The following ADGRB3 variants were observed in gnomAD, a reference collection of about 807,000 sequenced individuals.
The protein encoded by ADGRB3 is adhesion G protein-coupled receptor B3, also known as brain-specific angiogenesis inhibitor 3.
ADGRB3 carries 37 observed loss-of-function variants against 193.4 expected under a neutral mutation model. The observed-to-expected ratio is 0.19, with a 90% CI of 0.15 to 0.25. The LOEUF is 0.25. Among genes scored for constraint, ADGRB3 ranks in the 10% least tolerant of loss-of-function variants. The pLI is 1.00. For synonymous variants in ADGRB3, 690 were observed against 644.2 expected, an observed-to-expected ratio of 1.07 and a Z score of -1.08; for missense variants, 1,637 against 1,852.9, an observed-to-expected ratio of 0.88 and a Z score of 2.14.
chr6:69,228,818 C>G (rs1446950096), intron 17 of ADGRB3, among the ~76,000 whole-genome samples: 1 of 152,068 alleles, frequency 6.6e-6, no homozygotes, highest in Non-Finnish European at 1.5e-5. Flanking sequence ...TAAAATTCAC[C>G]TGGAAATGAA....
At chr6:69,164,754 G>T (rs932998425) in intron 17 of ADGRB3, among the ~76,000 whole-genome samples, 1 of 152,100 alleles carries the variant, frequency 6.6e-6, no homozygotes, top group East Asian at 1.9e-4. Flanking sequence ...GACAGCGTCC[G>T]TGAACTCTGG....
At chr6:69,076,682 G>A (rs1772242688) in intron 17 of ADGRB3, among the ~76,000 whole-genome samples, 1 of 151,902 alleles carries the variant, frequency 6.6e-6, no homozygotes, top group South Asian at 2.1e-4. Context: ...TCAAAGAGCA[G>A]GAAAATCTGT....
At chr6:68,642,048 A>G (rs1393242376) in intron 3 of ADGRB3, among the ~76,000 whole-genome samples, 2 of 152,026 alleles carry the variant, frequency 1.3e-5, no homozygotes, top group Non-Finnish European at 2.9e-5. Context: ...TTCCACTTAT[A>G]TTTTATATTA....
In ADGRB3 at chr6:69,383,575, C is replaced by A. The variant is rs562189172; in HGVS notation, c.4380+640C>A. Among the ~76,000 whole-genome samples, 3 of 152,108 alleles carry A rather than the reference C, an allele frequency of 2.0e-5. No individual in the cohort carries two copies. The East Asian group carries it at 5.8e-4, about 29-fold the overall frequency. ...TAATTATAAGAGCACTAGACCAGGA[C>A]TCTAGAAATCAGTATACTAGTCGAA... On this transcript the variant is annotated intron_variant, in intron 31 of 31. Transcript: ENST00000370598.
intron 21 of ADGRB3, among the ~76,000 whole-genome samples, chr6:69,326,530 T>C (rs1768573184): frequency 6.6e-6 from 1 of 152,098 alleles, no homozygotes. Context: ...ACAGCTAATA[T>C]TAAACTACTC....
At chr6:69,261,719 T>G (rs531484271) in intron 20 of ADGRB3, among the ~76,000 whole-genome samples, 3 of 152,062 alleles carry the variant, frequency 2.0e-5, no homozygotes, top group Non-Finnish European at 4.4e-5. Flanking sequence ...TTGGTTTATG[T>G]TATATAGTAC....
chr6:68,646,852 A>G (rs1037472577), intron 3 of ADGRB3, among the ~76,000 whole-genome samples: 6 of 152,204 alleles, frequency 3.9e-5, no homozygotes, highest in African/African-American at 1.2e-4. Context: ...GTTTAAAAAC[A>G]TATCTTCTCT....
At chr6:68,772,216 T>G in intron 3 of ADGRB3, among the ~76,000 whole-genome samples, 1 of 152,018 alleles carries the variant, frequency 6.6e-6, no homozygotes, top group East Asian at 1.9e-4. Context: ...AGCAATTGAT[T>G]GGGTGCACAA....
intron 3 of ADGRB3, among the ~76,000 whole-genome samples, chr6:68,714,090 T>C (rs1765451949): frequency 6.6e-6 from 1 of 151,810 alleles, no homozygotes; most frequent in Non-Finnish European, 1.5e-5. Context: ...CCAAGCACTT[T>C]GTACTCATTT....
At chr6:69,297,153 C>T (rs968472841) in intron 20 of ADGRB3, among the ~76,000 whole-genome samples, 2 of 152,066 alleles carry the variant, frequency 1.3e-5, no homozygotes, top group African/African-American at 4.8e-5. Context: ...TGAGTTTCAT[C>T]ATTGCAGTGA....
chr6:69,092,381 A>G (rs3799029), intron 17 of ADGRB3, among the ~76,000 whole-genome samples: 4,963 of 152,238 alleles, frequency 0.033, 136 homozygotes, highest in East Asian at 0.096. Context: ...TTAACTTTTC[A>G]TGAGTTTATG....
At chr6:68,732,649 T>G (rs1765795341) in intron 3 of ADGRB3, among the ~76,000 whole-genome samples, 1 of 151,896 alleles carries the variant, frequency 6.6e-6, no homozygotes. Context: ...CAGTTTAAAG[T>G]GCCTGAGATC....
intron 20 of ADGRB3, among the ~76,000 whole-genome samples, chr6:69,321,577 T>C (rs1253425251): frequency 6.6e-6 from 1 of 151,708 alleles, no homozygotes; most frequent in Non-Finnish European, 1.5e-5. Flanking sequence ...TTGAGGCTTG[T>C]AAGTGAAAAA....
At chr6:68,671,661 G>T (rs997349293) in intron 3 of ADGRB3, among the ~76,000 whole-genome samples, 3 of 151,898 alleles carry the variant, frequency 2.0e-5, no homozygotes, top group Non-Finnish European at 4.4e-5. Context: ...GATTTGCTAA[G>T]ATTTTGTTGA....
At chr6:69,153,127 CTGCATGCAAAACA>C (rs1261265698) in intron 17 of ADGRB3, among the ~76,000 whole-genome samples, 21 of 151,872 alleles carry the variant, frequency 1.4e-4, no homozygotes, top group Non-Finnish European at 3.1e-4. Flanking sequence ...CTATGAAACC[CTGCATGCAAAACA>C]ATTGGATTTT....
chr6:69,222,233 C>T (rs1457053238), intron 17 of ADGRB3, among the ~76,000 whole-genome samples: 2 of 152,026 alleles, frequency 1.3e-5, no homozygotes, highest in African/African-American at 2.4e-5. Context: ...ATGTGATCAT[C>T]GTGATAATAT....
intron 3 of ADGRB3, among the ~76,000 whole-genome samples, chr6:68,856,669 G>A (rs1463709509): frequency 6.6e-6 from 1 of 151,824 alleles, no homozygotes; most frequent in African/African-American, 2.4e-5. Context: ...GTTTTAAAAG[G>A]GAAACAGCGT....
At chr6:69,062,156 ATC>A (rs1183333590) in intron 15 of ADGRB3, among the ~76,000 whole-genome samples, 4 of 151,990 alleles carry the variant, frequency 2.6e-5, no homozygotes, top group Admixed American at 2.6e-4. Flanking sequence ...TCATCTTTAA[ATC>A]TCTAAATACT....
intron 3 of ADGRB3, among the ~76,000 whole-genome samples, chr6:68,775,342 C>T (rs1022762852): frequency 2.0e-5 from 3 of 151,912 alleles, no homozygotes; most frequent in Non-Finnish European, 4.4e-5. Flanking sequence ...GCCCCGTGCA[C>T]CAAGGGCCAT....
Sources: gnomAD v4.1 joint callset for allele counts (sites outside exome capture counted in the v4.1 genomes callset) on GRCh38, gnomAD v4.1.1 for gene constraint, MANE v1.5 for transcripts, NCBI Gene and HGNC (gene_info 2026-07-23, HGNC 2026-07-21) for gene names.